The following LRP1B variants were observed in gnomAD, a reference collection of about 807,000 sequenced individuals.
LRP1B encodes the protein LDL receptor related protein 1B.
A neutral mutation model predicts 556.6 loss-of-function variants in LRP1B; 217 were observed. That is an observed-to-expected ratio of 0.39 (90% confidence interval 0.35 to 0.44). The LOEUF is 0.44. Among genes scored for constraint, LRP1B ranks in the 20% least tolerant of loss-of-function variants. The pLI is 1.00. For synonymous variants in LRP1B, 2,047 were observed against 1,865.8 expected (o/e 1.10, Z -2.50); for missense variants, 5,053 against 5,620.8 (o/e 0.90, Z 3.23).
chr2:141,409,285 A>T lies in LRP1B; in HGVS notation c.343+71111T>A, dbSNP rs551994870. Among the ~76,000 whole-genome samples, 20 of 152,260 alleles carry T rather than the reference A, an allele frequency of 1.3e-4. No individual in the cohort carries two copies. In the South Asian group the frequency reaches 2.7e-3, roughly 20 times the overall value. Reference sequence around the variant, plus strand: ...CGGAAAAACTGCAGACTTTTCATACAAGCTTATTTGGGTTTAATCTTGGCT... The same window carrying T: ...CGGAAAAACTGCAGACTTTTCATACTAGCTTATTTGGGTTTAATCTTGGCT... On this transcript the variant is annotated intron_variant, in intron 3 of 90. Transcript: ENST00000389484.
intron 35 of LRP1B, among the ~76,000 whole-genome samples, chr2:140,759,401 T>C (rs79924116): frequency 0.012 from 1,868 of 152,306 alleles, 49 homozygotes; most frequent in African/African-American, 0.042. Context: ...TTCAGTTTTC[T>C]CCTACTCAAT....
At chr2:140,355,415 A>G (rs1682164497) in intron 75 of LRP1B, among the ~76,000 whole-genome samples, 1 of 151,944 alleles carries the variant, frequency 6.6e-6, no homozygotes, top group African/African-American at 2.4e-5. Context: ...GGAACAATCA[A>G]ATGTCACGAA....
chr2:142,076,641 T>G (rs72849851), intron 1 of LRP1B, among the ~76,000 whole-genome samples: 10,440 of 152,072 alleles, frequency 0.069, 475 homozygotes, highest in Non-Finnish European at 0.094. Context: ...AATAGCTGCT[T>G]CTTCTTTAAA....
chr2:141,238,527 C>G (rs1000996379), intron 5 of LRP1B, among the ~76,000 whole-genome samples: 16 of 151,990 alleles, frequency 1.1e-4, no homozygotes, highest in Non-Finnish European at 1.6e-4. Flanking sequence ...CTGCCAGGGT[C>G]TAGATGCTAG....
chr2:140,451,155 T>C (rs1412779230), intron 62 of LRP1B, among the ~76,000 whole-genome samples: 1 of 152,194 alleles, frequency 6.6e-6, no homozygotes, highest in African/African-American at 2.4e-5. Context: ...TTGCCAAGGC[T>C]GATCTCAAAC....
intron 14 of LRP1B, among the ~76,000 whole-genome samples, chr2:141,009,208 A>G (rs1021362305): frequency 2.6e-5 from 4 of 151,492 alleles, no homozygotes; most frequent in African/African-American, 9.7e-5. Flanking sequence ...TTTTCTAACT[A>G]ACATAGAGAT....
At chr2:141,682,146 G>A (rs1691127214) in intron 2 of LRP1B, among the ~76,000 whole-genome samples, 2 of 152,058 alleles carry the variant, frequency 1.3e-5, no homozygotes, top group African/African-American at 4.8e-5. Context: ...GTCCCTTTGA[G>A]TTTAGGGATA....
chr2:140,823,879 A>T lies in LRP1B; in HGVS notation c.5210-10073T>A, dbSNP rs79478422. Among the ~76,000 whole-genome samples the T allele has an allele frequency of 6.5e-4, 99 of 152,216 alleles. No individual in the cohort carries two copies. The East Asian group carries it at 0.018, about 28-fold the overall frequency. On this transcript the variant is annotated intron_variant, in intron 31 of 90. Transcript: ENST00000389484. ...TGTTCTCACTTATAAGTGAAAGCTG[A>T]ATGATGTGAACTCATGACCACAAAG...
intron 41 of LRP1B, among the ~76,000 whole-genome samples, chr2:140,699,994 A>G (rs926732451): frequency 2.7e-5 from 4 of 150,294 alleles, no homozygotes; most frequent in African/African-American, 9.7e-5. Context: ...TTTATAAGAA[A>G]CATTATGATA....
At chr2:140,259,122 G>A (rs1681820440) in intron 86 of LRP1B, among the ~76,000 whole-genome samples, 1 of 152,026 alleles carries the variant, frequency 6.6e-6, no homozygotes, top group Non-Finnish European at 1.5e-5. Context: ...TATTTCACCA[G>A]CACCATTTAT....
chr2:141,553,593 T>C (rs1254787098), intron 2 of LRP1B, among the ~76,000 whole-genome samples: 1 of 149,264 alleles, frequency 6.7e-6, no homozygotes, highest in African/African-American at 2.4e-5. Flanking sequence ...AGCAGGTTAC[T>C]ATGTTTACCT....
chr2:140,452,519 T>C (rs965739175), intron 62 of LRP1B, among the ~76,000 whole-genome samples: 4 of 152,148 alleles, frequency 2.6e-5, no homozygotes, highest in African/African-American at 9.6e-5. Context: ...AAAACATTTC[T>C]AAATGTTGAG....
chr2:140,429,000 T>C (rs1383413124), intron 66 of LRP1B, among the ~76,000 whole-genome samples: 5 of 151,936 alleles, frequency 3.3e-5, no homozygotes, highest in East Asian at 3.9e-4. Context: ...TCCTTTGCGT[T>C]CTCCTCTTGT....
At chr2:141,047,004 C>G (rs1276903752) in intron 11 of LRP1B, among the ~76,000 whole-genome samples, 1 of 127,554 alleles carries the variant, frequency 7.8e-6, no homozygotes, top group Non-Finnish European at 1.7e-5. Context: ...ATCACTTAAA[C>G]TTCGGAGGCG....
In LRP1B at chr2:140,714,940, G is replaced by A. The variant is rs549084692; in HGVS notation, c.6023+1033C>T. Reference sequence around the variant, plus strand: ...CAATAAAAATACTAGGTGCTTATGGGGCCATACAACAATCTAAACTATTTT... The same window carrying A: ...CAATAAAAATACTAGGTGCTTATGGAGCCATACAACAATCTAAACTATTTT... On this transcript the variant is annotated intron_variant, in intron 37 of 90. Transcript: ENST00000389484. 2.0e-5 allele frequency among the ~76,000 whole-genome samples: 3 copies of A among 151,976 alleles called. No individual in the cohort carries two copies. The Middle Eastern group carries it at 0.01, about 517-fold the overall frequency.
At chr2:140,738,159 C>A (rs1688011071) in intron 35 of LRP1B, among the ~76,000 whole-genome samples, 1 of 152,146 alleles carries the variant, frequency 6.6e-6, no homozygotes, top group African/African-American at 2.4e-5. Context: ...CTTGCCAAGC[C>A]ACTTTGAACT....
Position 140,960,378 on chromosome 2 carries a change from A to C in LRP1B, c.2888-8438T>G, listed in dbSNP as rs939300711. Reference sequence around the variant, plus strand: ...TATAGATCTTTCTCCCAACATGTAAAAAACAACATAAAATTTCCCAAGAAA... The same window carrying C: ...TATAGATCTTTCTCCCAACATGTAACAAACAACATAAAATTTCCCAAGAAA... On this transcript the variant is annotated intron_variant, in intron 18 of 90. Coordinates refer to ENST00000389484, the MANE Select transcript of LRP1B (RefSeq NM_018557.3). Among the ~76,000 whole-genome samples the C allele has an allele frequency of 2.0e-5, 3 of 151,952 alleles. No homozygotes were observed. In the East Asian group the frequency reaches 5.8e-4, roughly 29 times the overall value.
intron 1 of LRP1B, among the ~76,000 whole-genome samples, chr2:142,012,010 T>C (rs566345069): frequency 5.3e-5 from 8 of 152,274 alleles, no homozygotes; most frequent in African/African-American, 1.9e-4. Context: ...TCACTTCTTA[T>C]GATTACTGTG....
chr2:141,326,988 A>T (rs529423387), intron 3 of LRP1B, among the ~76,000 whole-genome samples: 7 of 152,274 alleles, frequency 4.6e-5, no homozygotes, highest in African/African-American at 1.2e-4. Flanking sequence ...TCTAGCAAAA[A>T]AGTGATGGTA....
Sources: allele counts gnomAD v4.1 joint callset (sites outside exome capture counted in the v4.1 genomes callset), GRCh38; gene constraint gnomAD v4.1.1; transcripts MANE v1.5; gene names NCBI Gene and HGNC (gene_info 2026-07-23, HGNC 2026-07-21).